The following GAS2 variants were observed in gnomAD, a reference collection of about 807,000 sequenced individuals.
GAS2 encodes the protein growth arrest-specific protein 2.
A neutral mutation model predicts 37.5 loss-of-function variants in GAS2; 20 were observed. The observed-to-expected ratio is 0.53, with a 90% CI of 0.37 to 0.77. The LOEUF (loss-of-function observed/expected upper bound fraction) is 0.77. Among genes scored for constraint, GAS2 ranks in the 30% least tolerant of loss-of-function variants. The pLI, the probability that GAS2 is intolerant of heterozygous loss-of-function variation, is 0.00. For synonymous variants in GAS2, 144 were observed against 132.2 expected (o/e 1.09, Z -0.61); for missense variants, 336 against 373.4 (o/e 0.90, Z 0.82).
chr11:22,689,586 A>T (rs1236646222), intron 3 of GAS2, among the ~76,000 whole-genome samples: 1 of 152,348 alleles, frequency 6.6e-6, no homozygotes, highest in South Asian at 2.1e-4. Flanking sequence ...GTTCATAAAT[A>T]TACTTCTGTT....
intron 5 of GAS2, among the ~76,000 whole-genome samples, chr11:22,742,961 C>T (rs1326509306): frequency 2.0e-5 from 3 of 152,092 alleles, no homozygotes; most frequent in Admixed American, 6.5e-5. Context: ...TGACTTCTCA[C>T]GTCTTAAGTT....
At position 22,651,175 on chromosome 11, in the gene GAS2, T is replaced by C. The variant is rs1590571816; in HGVS notation, c.-20-23675T>C. The stretch of plus-strand genomic sequence containing the variant: ...AAGTATTTTATTTCTCCTTCACTTA[T>C]GAAGCTTAGTTTGGCTGGATATGAA... On this transcript the variant is annotated intron_variant, in intron 1 of 5. Coordinates refer to the GAS2 transcript ENST00000528582. 2.0e-5 allele frequency among the ~76,000 whole-genome samples: 3 copies of C among 151,504 alleles called. No homozygotes were observed. In the East Asian group the frequency reaches 5.8e-4, roughly 29 times the overall value.
intron 3 of GAS2, among the ~76,000 whole-genome samples, chr11:22,722,408 C>T (rs777485871): frequency 1.3e-5 from 2 of 151,596 alleles, no homozygotes; most frequent in Non-Finnish European, 3.0e-5. Context: ...GCACACAATC[C>T]CAATAGCTTA....
At chr11:22,801,966 T>G (rs577717820) in intron 7 of GAS2, among the ~76,000 whole-genome samples, 1 of 152,048 alleles carries the variant, frequency 6.6e-6, no homozygotes, top group Non-Finnish European at 1.5e-5. Flanking sequence ...AAAATGCTCT[T>G]GATTAAGAAT....
intron 2 of GAS2, among the ~76,000 whole-genome samples, chr11:22,676,243 A>G (rs184541611): frequency 9.4e-4 from 143 of 152,264 alleles, no homozygotes; most frequent in Middle Eastern, 6.8e-3. Context: ...CCTTTCAGTA[A>G]TTGATTCATT....
At chr11:22,710,857 A>G (rs1242002081) in intron 3 of GAS2, among the ~76,000 whole-genome samples, 1 of 152,084 alleles carries the variant, frequency 6.6e-6, no homozygotes, top group East Asian at 1.9e-4. Flanking sequence ...TTTTTCCTTT[A>G]GTCCATCCTT....
At chr11:22,755,522 G>A (rs936944353) in intron 6 of GAS2, 3 of 182,574 alleles carry the variant, frequency 1.6e-5, no homozygotes, top group African/African-American at 4.7e-5. Flanking sequence ...AATGTGCATG[G>A]TCTTTTTAGT....
chr11:22,793,524 G>A (rs1207942827), intron 7 of GAS2, among the ~76,000 whole-genome samples: 1 of 152,088 alleles, frequency 6.6e-6, no homozygotes, highest in Non-Finnish European at 1.5e-5. Context: ...AAAATGTTTG[G>A]AGCCTATTAG....
upstream of GAS2, among the ~76,000 whole-genome samples, chr11:22,666,095 C>T (rs969069087): frequency 1.6e-4 from 25 of 152,246 alleles, no homozygotes; most frequent in African/African-American, 5.8e-4. Flanking sequence ...TCATGGAAGA[C>T]GTTTCATCTC....
chr11:22,740,397 A>G (rs1370006699), intron 5 of GAS2, among the ~76,000 whole-genome samples: 1 of 152,284 alleles, frequency 6.6e-6, no homozygotes, highest in East Asian at 1.9e-4. Flanking sequence ...AAAATATTTA[A>G]TTTGTAAATT....
intron 7 of GAS2, among the ~76,000 whole-genome samples, chr11:22,765,380 G>C (rs2134394640): frequency 6.6e-6 from 1 of 152,250 alleles, no homozygotes; most frequent in South Asian, 2.1e-4. Context: ...TTCTACAACT[G>C]AAATTGAAAT....
intron 1 of GAS2, among the ~76,000 whole-genome samples, chr11:22,639,097 G>A (rs1858877654): frequency 6.6e-6 from 1 of 152,066 alleles, no homozygotes; most frequent in African/African-American, 2.4e-5. Context: ...TGTTTGCCAT[G>A]TTTGTGGTAT....
chr11:22,775,014 C>A (rs1451590582), intron 7 of GAS2, among the ~76,000 whole-genome samples: 3 of 151,976 alleles, frequency 2.0e-5, no homozygotes, highest in Non-Finnish European at 4.4e-5. Flanking sequence ...GAAGTGCAGC[C>A]TTGAGAGTTG....
At chr11:22,637,175 T>A (rs1342900130) in intron 1 of GAS2, among the ~76,000 whole-genome samples, 1 of 125,004 alleles carries the variant, frequency 8.0e-6, no homozygotes, top group Non-Finnish European at 1.6e-5. Context: ...TATATTAATA[T>A]ATTACTTATG....
In GAS2 at chr11:22,723,727, A is replaced by C. The variant is rs1016068559; in HGVS notation, c.268-2565A>C. On this transcript the variant is annotated intron_variant, in intron 3 of 7. Transcript: ENST00000454584. ...TGCCCGCCAGGGATATAGGTGGTAG[A>C]TCTTAAAGTGGCTCATTGTTTGGAT... Among the ~76,000 whole-genome samples the C allele has an allele frequency of 1.3e-5, 2 of 151,784 alleles. 1 individual carries two copies. The highest frequency in any genetic ancestry group is 4.8e-5 in the African/African-American group (2 of 41,370).
At chr11:22,736,722 GCT>G (rs1852774570) in intron 4 of GAS2, among the ~76,000 whole-genome samples, 1 of 151,972 alleles carries the variant, frequency 6.6e-6, no homozygotes, top group African/African-American at 2.4e-5. Context: ...AAGCAATATT[GCT>G]CTTTTTCTTA....
At chr11:22,645,153 T>C (rs1848674688) in intron 1 of GAS2, among the ~76,000 whole-genome samples, 1 of 152,100 alleles carries the variant, frequency 6.6e-6, no homozygotes, top group South Asian at 2.1e-4. Context: ...CAAGTCTAAA[T>C]TACTGAGAGA....
At chr11:22,629,470 T>G (rs549572223) in intron 1 of GAS2, among the ~76,000 whole-genome samples, 45 of 152,354 alleles carry the variant, frequency 3.0e-4, no homozygotes, top group Middle Eastern at 6.8e-3. Context: ...CAACATCTAT[T>G]GTTCTTTGAC....
At chr11:22,699,863 A>G (rs1850741773) in intron 3 of GAS2, among the ~76,000 whole-genome samples, 1 of 152,178 alleles carries the variant, frequency 6.6e-6, no homozygotes, top group Non-Finnish European at 1.5e-5. Context: ...TCAGCAAGAA[A>G]GAGCCTGATG....
Sources: allele counts gnomAD v4.1 joint callset (sites outside exome capture counted in the v4.1 genomes callset), GRCh38; gene constraint gnomAD v4.1.1; transcripts MANE v1.5; gene names NCBI Gene and HGNC (gene_info 2026-07-23, HGNC 2026-07-21).